Variants in MYH10 observed in about 807,000 individuals in gnomAD.
The protein encoded by MYH10 is myosin heavy chain 10.
Under a neutral mutation model 257.8 loss-of-function variants are expected in MYH10, and 55 were observed. That is an observed-to-expected ratio of 0.21 (90% CI 0.17 to 0.27). MYH10 has a LOEUF of 0.27. MYH10 is among the 10% of genes least tolerant of loss of function. The pLI is 1.00. For missense variants in MYH10, 1,631 were observed against 2,500.6 expected (o/e 0.65, Z 7.42); for synonymous variants, 854 against 921.7 (o/e 0.93, Z 1.33).
At chr17:8,558,210 C>T (rs144908928) in intron 7 of MYH10, among the ~76,000 whole-genome samples, 1 of 152,136 alleles carries the variant, frequency 6.6e-6, no homozygotes, top group Non-Finnish European at 1.5e-5. Flanking sequence ...GCACTCTACA[C>T]AAATAATATA....
chr17:8,485,645 CCACT>C (rs1190280344), intron 36 of MYH10, among the ~76,000 whole-genome samples: 2 of 151,964 alleles, frequency 1.3e-5, no homozygotes, highest in African/African-American at 4.8e-5. Context: ...CACTTCACAC[CCACT>C]AAGATGGTTA....
At chr17:8,560,394 G>C in intron 7 of MYH10, 1 of 295,320 alleles carries the variant, frequency 3.4e-6, no homozygotes, top group Non-Finnish European at 6.6e-6. Flanking sequence ...ATTAAAATAG[G>C]AAAGGAAGTT....
At chr17:8,599,553 T>A (rs1218447078) in intron 3 of MYH10, among the ~76,000 whole-genome samples, 1 of 152,142 alleles carries the variant, frequency 6.6e-6, no homozygotes, top group East Asian at 1.9e-4. Context: ...TCCCTCCTCC[T>A]CACTCTCAGC....
intron 30 of MYH10, among the ~76,000 whole-genome samples, chr17:8,498,622 C>T (rs916955211): frequency 5.9e-5 from 9 of 151,834 alleles, no homozygotes; most frequent in East Asian, 1.9e-4. Context: ...CTGAGGGGGG[C>T]GGATCACGAG....
intron 17 of MYH10, among the ~76,000 whole-genome samples, chr17:8,530,286 G>C (rs2081971322): frequency 6.6e-6 from 1 of 152,146 alleles, no homozygotes; most frequent in Non-Finnish European, 1.5e-5. Flanking sequence ...TTTCCTTAGA[G>C]GACTGTGTAT....
chr17:8,539,552 C>T, intron 14 of MYH10, among the ~76,000 whole-genome samples: 1 of 152,152 alleles, frequency 6.6e-6, no homozygotes, highest in East Asian at 1.9e-4. Context: ...ATGGCACCCC[C>T]AATCTGCATT....
intron 37 of MYH10, among the ~76,000 whole-genome samples, 199 bp downstream of exon 37, chr17:8,483,939 G>A (rs116540772): frequency 1.0e-3 from 157 of 152,280 alleles, no homozygotes; most frequent in African/African-American, 3.5e-3. Context: ...GAGCAGTGTC[G>A]AAGTGATAAC....
At chr17:8,596,091 G>A (rs1272708328) in intron 3 of MYH10, among the ~76,000 whole-genome samples, 1 of 151,602 alleles carries the variant, frequency 6.6e-6, no homozygotes, top group African/African-American at 2.4e-5. Context: ...TATTTACAGG[G>A]GTGTTAAAAG....
rs559501706 is a variant in MYH10, at chr17:8,601,632, C to T, written c.502+3194G>A. On this transcript the variant is annotated intron_variant, in intron 3 of 42. Transcript: ENST00000360416. ...TCCATTCTAGTCTTCAAATCTACTGCTCTAGTTTCCAATTCTGTCTAATCT... is the reference window on the plus strand; with the variant it reads ...TCCATTCTAGTCTTCAAATCTACTGTTCTAGTTTCCAATTCTGTCTAATCT... Among the ~76,000 whole-genome samples the T allele has an allele frequency of 9.5e-4, 145 of 152,304 alleles. 1 individual carries two copies. The highest frequency in any genetic ancestry group is 3.4e-3 in the African/African-American group (140 of 41,568).
intron 6 of MYH10, chr17:8,573,900 T>G: frequency 1.3e-6 from 1 of 742,486 alleles, no homozygotes; most frequent in South Asian, 6.1e-5. Flanking sequence ...ACACAGACAA[T>G]GCCAAGTGCC....
At position 8,569,838 on chromosome 17, in the gene MYH10, T is replaced by C. The variant is rs774202599; in HGVS notation, c.664-26A>G. ...CTAAAAGACATTACACACACACAAA[T>C]AAAAGCAGATGTACGTTAATCTAAT... On this transcript the variant is annotated intron_variant, in intron 6 of 42. Coordinates refer to ENST00000360416, the MANE Select transcript of MYH10 (RefSeq NM_001256012.3). The surrounding 1 kb of genome is among the most constrained non-coding windows in gnomAD (Gnocchi z 4.1). The C allele has an allele frequency of 1.6e-5, 24 of 1,523,452 alleles. No individual in the cohort carries two copies. The highest frequency in any genetic ancestry group is 2.1e-5 in the Non-Finnish European group (23 of 1,111,212). The allele number at this position is 1,523,452 out of a possible 1,614,324, so 94.4% of individuals were successfully genotyped here. A position where few individuals can be genotyped will look rare whatever the true frequency, so the allele number is the denominator to read the frequency against.
chr17:8,629,126 G>A (rs1276073729), intron 1 of MYH10, among the ~76,000 whole-genome samples: 6 of 152,130 alleles, frequency 3.9e-5, no homozygotes, highest in Non-Finnish European at 8.8e-5. Context: ...GCAGATTGAT[G>A]AAGGAGATAA....
At chr17:8,499,516 T>C (rs781663254) in intron 29 of MYH10, 40 bp from the exon 30 acceptor site, 95 of 1,598,662 alleles carry the variant, frequency 5.9e-5, no homozygotes, top group Non-Finnish European at 8.1e-5. Flanking sequence ...CTAGTTATTT[T>C]CTAAAACTCC....
intron 3 of MYH10, among the ~76,000 whole-genome samples, chr17:8,602,862 T>C (rs1002598273): frequency 4.6e-5 from 7 of 152,216 alleles, no homozygotes; most frequent in Non-Finnish European, 8.8e-5. Flanking sequence ...TGTCATTAAC[T>C]AAATAAGACA....
At chr17:8,582,269 A>G (rs1399417493) in intron 4 of MYH10, among the ~76,000 whole-genome samples, 1 of 152,348 alleles carries the variant, frequency 6.6e-6, no homozygotes. Flanking sequence ...AGAGCCAAAA[A>G]GAAAGCTCAG....
In MYH10 at chr17:8,487,547, C is replaced by G. The variant is rs560094600; in HGVS notation, c.4932G>C (p.Ala1644=). 6.2e-7 allele frequency: 1 copy of G among 1,614,206 alleles called. No individual in the cohort carries two copies. The highest frequency in any genetic ancestry group is 1.3e-5 in the African/African-American group (1 of 75,058). Reference sequence around the variant, plus strand: ...TCTTTTTCTTTGAAGCTACAGCAAGCGCCCGCTGTTTCCTCTCATCCTCCA... The same window carrying G: ...TCTTTTTCTTTGAAGCTACAGCAAGGGCCCGCTGTTTCCTCTCATCCTCCA... ...AELEDERKQR[A]LAVASKKKME... is the part of the protein sequence containing the mutation. The change falls in exon 36 of 43, where the codon GCG becomes GCC. Residue 1644 remains alanine (A), a synonymous_variant. Transcript: ENST00000360416.
intron 2 of MYH10, among the ~76,000 whole-genome samples, chr17:8,605,670 AG>A (rs1377163813): frequency 6.6e-6 from 1 of 151,910 alleles, no homozygotes; most frequent in East Asian, 1.9e-4. Context: ...CCTGAACCCC[AG>A]GGGGCAGAGG....
intron 17 of MYH10, among the ~76,000 whole-genome samples, chr17:8,529,241 GCTCT>G: frequency 6.6e-6 from 1 of 152,316 alleles, no homozygotes; most frequent in African/African-American, 2.4e-5. Flanking sequence ...CCATCCATCA[GCTCT>G]CTCTCAGCGA....
chr17:8,547,550 C>T (rs1269613518), intron 11 of MYH10, among the ~76,000 whole-genome samples: 1 of 151,680 alleles, frequency 6.6e-6, no homozygotes, highest in Non-Finnish European at 1.5e-5. Context: ...TTATAAAAAA[C>T]GATTATTTCA....
Sources: allele counts gnomAD v4.1 joint callset (sites outside exome capture counted in the v4.1 genomes callset), GRCh38; gene constraint gnomAD v4.1.1; non-coding constraint Gnocchi (gnomAD v3.1); transcripts MANE v1.5; gene names NCBI Gene and HGNC (gene_info 2026-07-23, HGNC 2026-07-21).